Variants in AKNA observed in about 807,000 individuals in gnomAD.
The protein encoded by AKNA is AT-hook transcription factor.
A neutral mutation model predicts 138.8 loss-of-function variants in AKNA; 67 were observed. The ratio of observed to expected loss-of-function variants is 0.48; its 90% confidence interval spans 0.40 to 0.59. AKNA has a LOEUF of 0.59. Ranked by LOEUF, AKNA falls within the 20% of genes least tolerant of loss-of-function variation. The probability of loss-of-function intolerance (pLI) is 0.00; values close to 1 mark genes in which losing one functional copy is unlikely to be tolerated. For synonymous variants in AKNA, 737 were observed against 754.4 expected (o/e 0.98, Z 0.38); for missense variants, 1,813 against 1,880.4 (o/e 0.96, Z 0.66).
chr9:114,354,127 A>G (rs540929480), intron 14 of AKNA, among the ~76,000 whole-genome samples: 1 of 152,352 alleles, frequency 6.6e-6, no homozygotes, highest in East Asian at 1.9e-4. Context: ...ACTTAAAAAT[A>G]CATTGTAAAG....
Position 114,357,922 on chromosome 9 carries a change from TC to T in AKNA, c.2737del (p.Glu913ArgfsTer42), listed in dbSNP as rs368704395. 34 of 1,596,602 alleles carry T rather than the reference TC, an allele frequency of 2.1e-5. No homozygotes were observed. The African/African-American group carries it at 3.9e-4, about 19-fold the overall frequency. ...CCATTCCCCCATGTGGAGACTTACC[TC>T]CAGGTGGGGCCCACCGCCTCGGTGC... ...PLHRGGGPHLEETWMASPETD... is the reference protein window; with the variant it reads ...PLHRGGGPHLXETWMASPETD... On this transcript the variant is annotated frameshift_variant and splice_region_variant, in exon 12 of 22. Coordinates refer to ENST00000374088, the MANE Select transcript of AKNA (RefSeq NM_001317950.2). LOFTEE classifies it high-confidence loss of function.
Position 114,362,505 on chromosome 9 carries a change from G to C in AKNA, c.1817C>G (p.Ala606Gly). ...CTTCAGGTACTCCTCCTCTAGGGCC[G>C]CGTGGGCAGCCTTCAGCCGCTGGAA... Reference protein sequence around the residue: ...KGFQRLKAAHAALEEEYLKAC... With the variant: ...KGFQRLKAAHGALEEEYLKAC... The change falls in exon 8 of 22, where the codon GCG becomes GGG. Residue 606 changes from alanine to glycine, a missense_variant. Physicochemically the swap from Ala to Gly is moderately conservative, Grantham distance 60. Transcript: ENST00000374088. The C allele has an allele frequency of 1.9e-6, 3 of 1,613,204 alleles. No homozygotes were observed. The highest frequency in any genetic ancestry group is 2.5e-6 in the Non-Finnish European group (3 of 1,179,750).
At chr9:114,379,163 G>T (rs1014068123) in intron 2 of AKNA, among the ~76,000 whole-genome samples, 56 of 152,214 alleles carry the variant, frequency 3.7e-4, no homozygotes, top group Admixed American at 3.7e-3. Context: ...GGGGTGAAGG[G>T]GCCTGGGCTT....
At chr9:114,342,403 G>T (rs1041283250) in intron 19 of AKNA, among the ~76,000 whole-genome samples, 1 of 152,176 alleles carries the variant, frequency 6.6e-6, no homozygotes, top group Non-Finnish European at 1.5e-5. Context: ...TTACAGATGG[G>T]GAAATTAAGG....
intron 16 of AKNA, among the ~76,000 whole-genome samples, chr9:114,347,211 A>G (rs971666289): frequency 6.6e-6 from 1 of 151,934 alleles, no homozygotes; most frequent in African/African-American, 2.4e-5. Context: ...TCATTGTATT[A>G]TTCTTTATTA....
At position 114,341,551 on chromosome 9, in the gene AKNA, G is replaced by A. The variant is rs775464611; in HGVS notation, c.4049C>T (p.Pro1350Leu). Reference protein sequence around the residue: ...FAYISSVPIMPYPPAAVYYAP... With the variant: ...FAYISSVPIMLYPPAAVYYAP... ...CTCTTACACAGCGGCAGGTGGATAA[G>A]GCATGATGGGAACCGAGGAGATGTA... Residue 1350 changes from proline (P) to leucine (L), a missense_variant, in exon 21 of 22, where the codon CCT becomes CTT. Physicochemically the swap from Pro to Leu is moderately conservative, Grantham distance 98 (BLOSUM62 -3). Coordinates refer to ENST00000374088, the MANE Select transcript of AKNA (RefSeq NM_001317950.2). 3 of 1,614,122 alleles carry A rather than the reference G, an allele frequency of 1.9e-6. No homozygotes were observed. In the African/African-American group the frequency reaches 4.0e-5, roughly 22 times the overall value.
rs12235935 is a variant in AKNA at position 114,383,404 on chromosome 9, G to C, written c.-113-1958C>G. On this transcript the variant is annotated intron_variant, in intron 1 of 21. Coordinates refer to ENST00000374088, the MANE Select transcript of AKNA (RefSeq NM_001317950.2). ...CCAGGAAGTGCAAAGCTGACCCAGA[G>C]TGGGCACGGTCCCCCAGGGAGCTCC... Among the ~76,000 whole-genome samples, 199 of 152,306 alleles carry C rather than the reference G, an allele frequency of 1.3e-3. 4 individuals are homozygous for C. The East Asian group carries it at 0.031, about 23-fold the overall frequency.
At chr9:114,366,464 C>T (rs926977080) in intron 6 of AKNA, among the ~76,000 whole-genome samples, 9 of 151,996 alleles carry the variant, frequency 5.9e-5, no homozygotes, top group Non-Finnish European at 1.3e-4. Context: ...GAGCAGCCGA[C>T]GGAGGCTGGG....
At chr9:114,332,733 C>G (rs927535952), downstream of AKNA, among the ~76,000 whole-genome samples, 4 of 152,176 alleles carry the variant, frequency 2.6e-5, no homozygotes, top group Non-Finnish European at 5.9e-5. Context: ...GGTCCCAAGG[C>G]CACCCTGCTC....
chr9:114,344,359 G>A lies in AKNA; in HGVS notation c.3662-556C>T, dbSNP rs184337931. 568 of 153,622 alleles carry A rather than the reference G, an allele frequency of 3.7e-3. 7 individuals are homozygous for A. Among genetic ancestry groups the A allele is most frequent in the Middle Eastern group, 3.4e-3 (1 of 294 alleles). 9.5% of individuals were successfully genotyped at this position (153,622 alleles called of 1,614,324 possible). A position where few individuals can be genotyped will look rare whatever the true frequency, so the allele number is the denominator to read the frequency against. ...CGGGGCCGTATCCGTGTCGTGCTCC[G>A]CCCAGTGCCTGGCAGATGGAAAGCA... is the stretch of plus-strand genomic sequence containing the variant. On this transcript the variant is annotated intron_variant, in intron 18 of 21. Transcript: ENST00000374088.
At chr9:114,393,374 C>T (rs935227537) in intron 1 of AKNA, among the ~76,000 whole-genome samples, 1 of 148,230 alleles carries the variant, frequency 6.7e-6, no homozygotes, top group Admixed American at 6.9e-5. Context: ...TGCCACCACG[C>T]CCAGCTAATT....
chr9:114,331,538 C>A (rs1309350925), downstream of AKNA: 8 of 1,575,142 alleles, frequency 5.1e-6, no homozygotes, highest in Non-Finnish European at 7.0e-6. Context: ...ATCCCATGTT[C>A]TCACCCAGAG....
upstream of AKNA, among the ~76,000 whole-genome samples, chr9:114,392,215 A>G (rs1420565835): frequency 6.6e-6 from 1 of 152,166 alleles, no homozygotes; most frequent in East Asian, 1.9e-4. Context: ...GAAGTAGAGA[A>G]CCAAGTTCCA....
upstream of AKNA, among the ~76,000 whole-genome samples, chr9:114,392,068 T>C (rs1339460739): frequency 2.3e-5 from 3 of 132,004 alleles, no homozygotes; most frequent in East Asian, 2.4e-4. Flanking sequence ...ATCATGTCAC[T>C]GCGCTCCAGC....
chr9:114,348,978 C>A (rs767894628), intron 15 of AKNA: 1 of 456,146 alleles, frequency 2.2e-6, no homozygotes, highest in South Asian at 1.5e-5. Flanking sequence ...GGAGTGGAGG[C>A]CTCTTCCTGG....
intron 4 of AKNA, among the ~76,000 whole-genome samples, chr9:114,369,740 T>C (rs1466087253): frequency 2.0e-5 from 3 of 151,960 alleles, no homozygotes; most frequent in Non-Finnish European, 4.4e-5. Flanking sequence ...ACCACCACCA[T>C]CATCACCGTC....
At chr9:114,372,415 C>A (rs900679084) in intron 4 of AKNA, among the ~76,000 whole-genome samples, 1 of 152,198 alleles carries the variant, frequency 6.6e-6, no homozygotes, top group African/African-American at 2.4e-5. Context: ...TGTCCACCCC[C>A]GCCTGTCACT....
chr9:114,345,062 T>TAC (rs754626489), intron 18 of AKNA: 4 of 110,280 alleles, frequency 3.6e-5, no homozygotes, highest in African/African-American at 1.1e-4. Flanking sequence ...ACCATATCCA[T>TAC]ATATATATAT....
chr9:114,347,932 C>A, intron 15 of AKNA, 32 bp from the exon 16 acceptor site: 1 of 1,545,496 alleles, frequency 6.5e-7, no homozygotes, highest in Non-Finnish European at 8.7e-7. Flanking sequence ...AAACAAAGAA[C>A]AGAGGCATGA....
Sources: allele counts gnomAD v4.1 joint callset (sites outside exome capture counted in the v4.1 genomes callset), GRCh38; gene constraint gnomAD v4.1.1; transcripts MANE v1.5; gene names NCBI Gene and HGNC (gene_info 2026-07-23, HGNC 2026-07-21).